SLC4A4: variants seen among roughly 807,000 people sequenced by gnomAD.
SLC4A4 encodes the protein solute carrier family 4 member 4, also known as electrogenic sodium bicarbonate cotransporter 1.
A neutral mutation model predicts 111.5 loss-of-function variants in SLC4A4; 27 were observed. The observed-to-expected ratio is 0.24, with a 90% confidence interval of 0.18 to 0.33. SLC4A4 has a LOEUF of 0.33. SLC4A4 is among the 10% of genes least tolerant of loss of function. The pLI is 1.00. For missense variants in SLC4A4, 909 were observed against 1,315.5 expected (o/e 0.69, Z 4.78); for synonymous variants, 443 against 463.4 (o/e 0.96, Z 0.57).
At chr4:71,483,598 T>C (rs961159435) in intron 14 of SLC4A4, among the ~76,000 whole-genome samples, 4 of 151,888 alleles carry the variant, frequency 2.6e-5, no homozygotes, top group African/African-American at 9.7e-5. Context: ...GTTGATTCTA[T>C]GTTTTTGCTG....
intron 18 of SLC4A4, among the ~76,000 whole-genome samples, chr4:71,543,026 C>A (rs1340146831): frequency 6.6e-6 from 1 of 152,032 alleles, no homozygotes; most frequent in Admixed American, 6.6e-5. Flanking sequence ...GAGAGAGGCA[C>A]AATTCACATA....
chr4:71,393,212 A>T (rs775449207), intron 6 of SLC4A4, among the ~76,000 whole-genome samples: 1 of 152,180 alleles, frequency 6.6e-6, no homozygotes, highest in African/African-American at 2.4e-5. Context: ...ATCGGTAAAG[A>T]GGAAGTCAAA....
intron 3 of SLC4A4, among the ~76,000 whole-genome samples, chr4:71,277,690 C>T (rs1578737162): frequency 6.6e-6 from 1 of 150,604 alleles, no homozygotes; most frequent in African/African-American, 2.4e-5. Flanking sequence ...TTCTCTCGCT[C>T]TGTCTTTTTC....
chr4:71,541,660 G>T (rs139820657), intron 18 of SLC4A4, among the ~76,000 whole-genome samples: 2 of 151,806 alleles, frequency 1.3e-5, no homozygotes, highest in African/African-American at 4.8e-5. Context: ...GGCTTGATGG[G>T]GTCAGAACTG....
intron 16 of SLC4A4, among the ~76,000 whole-genome samples, chr4:71,505,458 G>GT (rs558503315): frequency 0.01 from 1,469 of 145,162 alleles, 23 homozygotes; most frequent in African/African-American, 0.031. Context: ...TAATGTTGAG[G>GT]TTTTTTTTTT....
chr4:71,227,173 T>A (rs959172717), intron 1 of SLC4A4, among the ~76,000 whole-genome samples: 1 of 151,960 alleles, frequency 6.6e-6, no homozygotes, highest in African/African-American at 2.4e-5. Context: ...TCTGGAGAGG[T>A]TGGATCTTAA....
intron 3 of SLC4A4, among the ~76,000 whole-genome samples, chr4:71,317,555 A>T (rs1726785718): frequency 6.6e-6 from 1 of 152,108 alleles, no homozygotes; most frequent in South Asian, 2.1e-4. Flanking sequence ...TAGTCCTTGG[A>T]TATTTTAAAA....
At chr4:71,258,580 G>A (rs1721625880) in intron 3 of SLC4A4, among the ~76,000 whole-genome samples, 1 of 152,148 alleles carries the variant, frequency 6.6e-6, no homozygotes, top group Non-Finnish European at 1.5e-5. Context: ...TGTTTATTGA[G>A]GAGTAACTGA....
intron 14 of SLC4A4, among the ~76,000 whole-genome samples, chr4:71,476,011 A>G (rs1728338756): frequency 6.6e-6 from 1 of 151,776 alleles, no homozygotes; most frequent in Admixed American, 6.6e-5. Flanking sequence ...TGTACCTCTT[A>G]TTGGTACTCA....
chr4:71,112,294 A>C (rs1453381161), intron 2 of SLC4A4, among the ~76,000 whole-genome samples: 1 of 152,138 alleles, frequency 6.6e-6, no homozygotes, highest in African/African-American at 2.4e-5. Flanking sequence ...TAATGTCTCT[A>C]TTTGCGTCAT....
At chr4:71,071,857 G>C (rs1455656254) in intron 1 of SLC4A4, among the ~76,000 whole-genome samples, 1 of 152,034 alleles carries the variant, frequency 6.6e-6, no homozygotes, top group Admixed American at 6.5e-5. Flanking sequence ...AAATATCCTT[G>C]TGCATATCTT....
At chr4:71,182,553 G>T (rs767543784), upstream of SLC4A4, among the ~76,000 whole-genome samples, 15 of 152,136 alleles carry the variant, frequency 9.9e-5, no homozygotes, top group Non-Finnish European at 1.9e-4. Flanking sequence ...AGCTGAATCC[G>T]CATGACTTGG....
intron 3 of SLC4A4, among the ~76,000 whole-genome samples, chr4:71,291,342 TA>T (rs996815415): frequency 5.9e-5 from 9 of 152,140 alleles, no homozygotes; most frequent in South Asian, 2.1e-4. Flanking sequence ...TAATAAAATT[TA>T]AAAAAAGTTA....
chr4:71,432,498 A>G (rs952258745), intron 7 of SLC4A4, among the ~76,000 whole-genome samples: 1 of 152,136 alleles, frequency 6.6e-6, no homozygotes, highest in Middle Eastern at 3.2e-3. Flanking sequence ...TATTCTTTTC[A>G]TATCTGTAAG....
At chr4:71,514,765 A>G (rs1214181651) in intron 16 of SLC4A4, among the ~76,000 whole-genome samples, 1 of 152,062 alleles carries the variant, frequency 6.6e-6, no homozygotes, top group Admixed American at 6.6e-5. Context: ...TAGGTTTTCT[A>G]GTTTATTATT....
At chr4:71,182,898 C>T (rs1284396790), upstream of SLC4A4, among the ~76,000 whole-genome samples, 1 of 152,182 alleles carries the variant, frequency 6.6e-6, no homozygotes. Context: ...AGTTTTCCTT[C>T]TCCTTCCAAA....
At chr4:71,177,454 C>G (rs901172870) in intron 2 of SLC4A4, among the ~76,000 whole-genome samples, 2 of 152,076 alleles carry the variant, frequency 1.3e-5, no homozygotes, top group South Asian at 2.1e-4. Flanking sequence ...CAGAGACACA[C>G]ATAGGCTCAA....
chr4:71,091,419 A>AT (rs1470133955), intron 1 of SLC4A4, among the ~76,000 whole-genome samples: 3 of 151,562 alleles, frequency 2.0e-5, no homozygotes, highest in African/African-American at 4.9e-5. Context: ...CGCTTGGCTA[A>AT]TTTTTTTGTA....
intron 15 of SLC4A4, among the ~76,000 whole-genome samples, chr4:71,493,703 C>G (rs779495660): frequency 6.6e-6 from 1 of 150,704 alleles, no homozygotes; most frequent in African/African-American, 2.4e-5. Context: ...CTCTCTCTCT[C>G]CTTTCTCCAT....
Sources: allele counts gnomAD v4.1 joint callset (sites outside exome capture counted in the v4.1 genomes callset), GRCh38; gene constraint gnomAD v4.1.1; transcripts MANE v1.5; gene names NCBI Gene and HGNC (gene_info 2026-07-23, HGNC 2026-07-21).